The following NELL1 variants were observed in gnomAD, a reference collection of about 807,000 sequenced individuals.
The protein encoded by NELL1 is neural EGFL like 1.
NELL1 carries 76 observed loss-of-function variants against 107.4 expected under a neutral mutation model. That is an observed-to-expected ratio of 0.71 (90% CI 0.59 to 0.86). NELL1 has a LOEUF of 0.86. Ranked by LOEUF, NELL1 falls within the 40% of genes least tolerant of loss-of-function variation. NELL1 has a pLI of 0.00. For missense variants in NELL1, 1,024 were observed against 1,005.5 expected, an observed-to-expected ratio of 1.02 and a Z score of -0.25; for synonymous variants, 353 against 341.2, an observed-to-expected ratio of 1.03 and a Z score of -0.38.
Position 20,693,599 on chromosome 11 carries a change from C to T in NELL1, c.184+15539C>T, listed in dbSNP as rs1354722719. 1.5e-4 allele frequency among the ~76,000 whole-genome samples: 23 copies of T among 152,122 alleles called. 1 individual carries two copies. The highest frequency in any genetic ancestry group is 4.8e-4 in the African/African-American group (20 of 41,550). ...GGTTGAAAATTCTTTTCTTTAAGAA[C>T]GTTGAATATTGGCCCCCACTCTTTT... On this transcript the variant is annotated intron_variant, in intron 2 of 19. Coordinates refer to ENST00000357134, the MANE Select transcript of NELL1 (RefSeq NM_006157.5).
intron 4 of NELL1, among the ~76,000 whole-genome samples, chr11:20,881,715 T>G (rs896577696): frequency 5.4e-5 from 8 of 149,406 alleles, no homozygotes; most frequent in Admixed American, 4.7e-4. Flanking sequence ...TTCTGTTTTG[T>G]TTTTTTTTTC....
chr11:21,259,014 G>A (rs929973261), intron 14 of NELL1, among the ~76,000 whole-genome samples: 4 of 151,800 alleles, frequency 2.6e-5, no homozygotes, highest in East Asian at 1.9e-4. Context: ...AAAATAGAAC[G>A]TCCCTAAGAC....
intron 15 of NELL1, among the ~76,000 whole-genome samples, chr11:21,392,954 G>A (rs1851911105): frequency 1.3e-5 from 2 of 150,894 alleles, no homozygotes; most frequent in East Asian, 2.0e-4. Flanking sequence ...GGGAAATTGG[G>A]ACTATAAACT....
At chr11:21,256,054 G>T (rs567121907) in intron 14 of NELL1, among the ~76,000 whole-genome samples, 1 of 151,934 alleles carries the variant, frequency 6.6e-6, no homozygotes, top group Non-Finnish European at 1.5e-5. Flanking sequence ...CCCCTCCCAG[G>T]CTGTGATTCT....
intron 4 of NELL1, among the ~76,000 whole-genome samples, chr11:20,864,507 C>T (rs1590360834): frequency 1.3e-5 from 2 of 152,296 alleles, no homozygotes; most frequent in Admixed American, 1.3e-4. Context: ...TCAAAAGACC[C>T]AGGGCCTTGA....
intron 2 of NELL1, among the ~76,000 whole-genome samples, chr11:20,689,134 G>C (rs1370117293): frequency 6.6e-6 from 1 of 151,760 alleles, no homozygotes; most frequent in East Asian, 1.9e-4. Flanking sequence ...TTTGGTTTTT[G>C]CTTGTTCAAT....
At chr11:20,884,086 T>C (rs1432848274) in intron 4 of NELL1, among the ~76,000 whole-genome samples, 4 of 152,230 alleles carry the variant, frequency 2.6e-5, no homozygotes, top group Non-Finnish European at 5.9e-5. Context: ...CCTGATGTGC[T>C]TGGAGCTTTG....
intron 14 of NELL1, among the ~76,000 whole-genome samples, chr11:21,254,670 C>T (rs929527290): frequency 2.3e-4 from 35 of 151,936 alleles, no homozygotes; most frequent in Non-Finnish European, 7.4e-5. Flanking sequence ...AAGTCCTTGG[C>T]GGTTCAGGTG....
chr11:21,264,369 G>A (rs1273736943), intron 14 of NELL1, among the ~76,000 whole-genome samples: 1 of 151,854 alleles, frequency 6.6e-6, no homozygotes, highest in Non-Finnish European at 1.5e-5. Flanking sequence ...GTGTCATCCT[G>A]CACAAGCCTT....
chr11:21,082,238 C>T (rs1430020958), intron 12 of NELL1, among the ~76,000 whole-genome samples: 1 of 152,156 alleles, frequency 6.6e-6, no homozygotes, highest in Non-Finnish European at 1.5e-5. Flanking sequence ...TTCAGGTGAA[C>T]AGGATTTTAT....
intron 4 of NELL1, among the ~76,000 whole-genome samples, chr11:20,859,458 A>T (rs1848938912): frequency 6.6e-6 from 1 of 151,044 alleles, no homozygotes; most frequent in Non-Finnish European, 1.5e-5. Flanking sequence ...CTCGATGCTG[A>T]TGTGTAATGG....
rs535339042 is a variant in NELL1, at chr11:20,691,233, G to A, written c.184+13173G>A. ...ATGCAATCATGTCATCTGCAAACAG[G>A]GAAAATTTGACTTCCTCTTTTCCTA... On this transcript the variant is annotated intron_variant, in intron 2 of 19. Transcript: ENST00000357134. 5.0e-4 allele frequency among the ~76,000 whole-genome samples: 76 copies of A among 152,006 alleles called. No homozygotes were observed. The Middle Eastern group carries it at 0.014, about 27-fold the overall frequency.
chr11:20,734,043 T>C (rs1855706851), intron 2 of NELL1, among the ~76,000 whole-genome samples: 1 of 152,080 alleles, frequency 6.6e-6, no homozygotes. Flanking sequence ...AAGGAGTTAA[T>C]ATTAGGGCAG....
intron 2 of NELL1, among the ~76,000 whole-genome samples, chr11:20,679,528 C>A (rs564130123): frequency 1.7e-4 from 26 of 152,294 alleles, no homozygotes; most frequent in African/African-American, 6.3e-4. Flanking sequence ...TATGGACATA[C>A]TAATTTTCAC....
At chr11:20,759,382 A>G (rs1856368572) in intron 2 of NELL1, among the ~76,000 whole-genome samples, 1 of 152,210 alleles carries the variant, frequency 6.6e-6, no homozygotes, top group South Asian at 2.1e-4. Flanking sequence ...AATGCTGTAC[A>G]CTTCTACTTA....
intron 12 of NELL1, among the ~76,000 whole-genome samples, chr11:21,016,657 G>T (rs976189716): frequency 1.3e-5 from 2 of 151,994 alleles, no homozygotes; most frequent in Non-Finnish European, 2.9e-5. Context: ...CTACATGCAG[G>T]TTACTGCCAC....
chr11:20,694,177 T>A (rs977124617), intron 2 of NELL1, among the ~76,000 whole-genome samples: 7 of 152,074 alleles, frequency 4.6e-5, no homozygotes, highest in Non-Finnish European at 1.0e-4. Context: ...ATTCTAGTTA[T>A]ACATTCGTCT....
chr11:20,782,287 C>T (rs923736996), intron 2 of NELL1, among the ~76,000 whole-genome samples: 1 of 152,092 alleles, frequency 6.6e-6, no homozygotes, highest in Non-Finnish European at 1.5e-5. Flanking sequence ...TACTATTGTG[C>T]AGGTAGGTTT....
intron 15 of NELL1, among the ~76,000 whole-genome samples, chr11:21,428,956 G>C (rs1487377700): frequency 2.6e-5 from 4 of 152,146 alleles, no homozygotes; most frequent in African/African-American, 7.2e-5. Context: ...ATGGCATTTT[G>C]TATGTGGGTA....
Sources: gnomAD v4.1 joint callset for allele counts (sites outside exome capture counted in the v4.1 genomes callset) on GRCh38, gnomAD v4.1.1 for gene constraint, MANE v1.5 for transcripts, NCBI Gene and HGNC (gene_info 2026-07-23, HGNC 2026-07-21) for gene names.